The following GRIP1 variants were observed in gnomAD, a reference collection of about 807,000 sequenced individuals.
GRIP1 encodes the protein glutamate receptor-interacting protein 1.
GRIP1 carries 45 observed loss-of-function variants against 129.9 expected under a neutral mutation model. That is an observed-to-expected ratio of 0.35 (90% CI 0.27 to 0.44). GRIP1 has a LOEUF of 0.44. GRIP1 is among the 20% of genes least tolerant of loss of function. The pLI, the probability that GRIP1 is intolerant of heterozygous loss-of-function variation, is 1.00. For synonymous variants in GRIP1, 530 were observed against 520.8 expected (o/e 1.02, Z -0.24); for missense variants, 1,196 against 1,396.8 (o/e 0.86, Z 2.29).
intron 1 of GRIP1, among the ~76,000 whole-genome samples, chr12:66,965,934 T>A (rs2137552130): frequency 6.6e-6 from 1 of 152,288 alleles, no homozygotes; most frequent in South Asian, 2.1e-4. Flanking sequence ...GCCTTCTCCA[T>A]ACTGACACTT....
chr12:66,680,152 T>G (rs909904011), upstream of GRIP1, among the ~76,000 whole-genome samples: 4 of 152,216 alleles, frequency 2.6e-5, no homozygotes, highest in African/African-American at 9.6e-5. Flanking sequence ...CTGTCTAAAC[T>G]ACTTGATTAA....
intron 1 of GRIP1, among the ~76,000 whole-genome samples, chr12:66,695,548 T>G (rs2035127550): frequency 6.6e-6 from 1 of 152,190 alleles, no homozygotes; most frequent in Non-Finnish European, 1.5e-5. Flanking sequence ...AAGCCCTTGC[T>G]AGGCAGGTAG....
At chr12:66,854,373 C>T (rs955203586) in intron 1 of GRIP1, among the ~76,000 whole-genome samples, 13 of 151,754 alleles carry the variant, frequency 8.6e-5, no homozygotes, top group African/African-American at 2.9e-4. Flanking sequence ...TCACAGACAG[C>T]CTTGTACGCC....
At chr12:66,740,499 T>C (rs949788258) in intron 1 of GRIP1, among the ~76,000 whole-genome samples, 1 of 152,200 alleles carries the variant, frequency 6.6e-6, no homozygotes, top group African/African-American at 2.4e-5. Flanking sequence ...GCCCATGGCA[T>C]AGATGGTTTG....
At chr12:66,971,990 T>C in intron 1 of GRIP1, among the ~76,000 whole-genome samples, 1 of 152,112 alleles carries the variant, frequency 6.6e-6, no homozygotes, top group South Asian at 2.1e-4. Context: ...GAAGCGGAAA[T>C]GTGTTGCTCA....
intron 1 of GRIP1, among the ~76,000 whole-genome samples, chr12:67,052,305 C>A (rs932289736): frequency 2.0e-5 from 3 of 152,174 alleles, no homozygotes; most frequent in Admixed American, 2.0e-4. Context: ...TCTAAAATGA[C>A]CCTCAGGTAA....
At chr12:66,723,642 C>A (rs1322499076) in intron 1 of GRIP1, among the ~76,000 whole-genome samples, 1 of 152,018 alleles carries the variant, frequency 6.6e-6, no homozygotes, top group Non-Finnish European at 1.5e-5. Context: ...AGAATGCAAA[C>A]AAGGAGTTCT....
intron 2 of GRIP1, among the ~76,000 whole-genome samples, chr12:66,547,969 CAATTATCTCAA>C (rs772574856): frequency 1.3e-5 from 2 of 152,118 alleles, no homozygotes; most frequent in Non-Finnish European, 2.9e-5. Context: ...TATGAATCTA[CAATTATCTCAA>C]AATTAGGAGT....
intron 11 of GRIP1, among the ~76,000 whole-genome samples, chr12:66,455,014 A>G (rs1390159817): frequency 6.6e-6 from 1 of 152,222 alleles, no homozygotes; most frequent in Non-Finnish European, 1.5e-5. Flanking sequence ...CATCGTTTTC[A>G]CAAAATTTCT....
chr12:67,027,820 G>A (rs1045087796), intron 1 of GRIP1, among the ~76,000 whole-genome samples: 23 of 152,178 alleles, frequency 1.5e-4, no homozygotes, highest in African/African-American at 5.3e-4. Flanking sequence ...AGGGGTCCAC[G>A]TTCTGGACAT....
In GRIP1 at chr12:66,383,299, A is replaced by AAACAACAACAAC. The variant is rs59263648; in HGVS notation, c.2465-3875_2465-3864dup. Reference sequence around the variant, plus strand: ...GCGACAGAGCGACACTCTGTCTCAAAAACAACAACAACAACAACAACAACA... The same window carrying AAACAACAACAAC: ...GCGACAGAGCGACACTCTGTCTCAAAAACAACAACAACAACAACAACAACAACAACAACAACA... On this transcript the variant is annotated intron_variant, in intron 19 of 24. Transcript: ENST00000359742. Among the ~76,000 whole-genome samples the AAACAACAACAAC allele has an allele frequency of 2.6e-3, 364 of 141,406 alleles. 2 individuals are homozygous for AAACAACAACAAC. Among genetic ancestry groups the AAACAACAACAAC allele is most frequent in the East Asian group, 4.9e-3 (23 of 4,648 alleles). 92.8% of individuals were successfully genotyped at this position (141,406 alleles called of 152,430 possible). A position where few individuals can be genotyped will look rare whatever the true frequency, so the allele number is the denominator to read the frequency against.
intron 1 of GRIP1, among the ~76,000 whole-genome samples, chr12:66,814,957 C>A (rs544469963): frequency 6.6e-6 from 1 of 152,220 alleles, no homozygotes; most frequent in South Asian, 2.1e-4. Context: ...CATGGGGAAA[C>A]CACTCCCATG....
chr12:66,800,400 G>C (rs779587747), intron 1 of GRIP1, among the ~76,000 whole-genome samples: 1 of 151,682 alleles, frequency 6.6e-6, no homozygotes, highest in South Asian at 2.1e-4. Context: ...CTGTACATGA[G>C]AGTGGCTCAC....
At chr12:66,593,221 T>G (rs2063909787) in intron 2 of GRIP1, among the ~76,000 whole-genome samples, 1 of 152,112 alleles carries the variant, frequency 6.6e-6, no homozygotes, top group Admixed American at 6.6e-5. Flanking sequence ...AGCAAACGCA[T>G]TTTGCTCCTA....
chr12:66,599,779 A>G (rs1038888853), intron 1 of GRIP1, among the ~76,000 whole-genome samples: 4 of 152,170 alleles, frequency 2.6e-5, no homozygotes, highest in Non-Finnish European at 4.4e-5. Flanking sequence ...TCATGCTTAT[A>G]AGGGATAATC....
intron 1 of GRIP1, among the ~76,000 whole-genome samples, chr12:66,897,844 C>T (rs1251289284): frequency 6.6e-6 from 1 of 152,198 alleles, no homozygotes; most frequent in East Asian, 1.9e-4. Context: ...CACATGCATA[C>T]ACACCAGTTA....
At chr12:66,501,740 T>G (rs1002310045) in intron 7 of GRIP1, among the ~76,000 whole-genome samples, 1 of 152,212 alleles carries the variant, frequency 6.6e-6, no homozygotes, top group Non-Finnish European at 1.5e-5. Context: ...GATAATTTTC[T>G]CCCTAAAAGA....
chr12:67,025,089 A>C (rs1002108055), intron 1 of GRIP1, among the ~76,000 whole-genome samples: 26 of 152,232 alleles, frequency 1.7e-4, no homozygotes, highest in African/African-American at 6.0e-4. Context: ...CTGTAATACC[A>C]GCACTTTGGG....
chr12:66,392,606 C>T, intron 18 of GRIP1, 71 bp downstream of exon 18: 1 of 1,584,140 alleles, frequency 6.3e-7, no homozygotes, highest in Non-Finnish European at 8.7e-7. Context: ...TACACACAGA[C>T]ACTAGCACAT....
Sources: allele counts gnomAD v4.1 joint callset (sites outside exome capture counted in the v4.1 genomes callset), GRCh38; gene constraint gnomAD v4.1.1; transcripts MANE v1.5; gene names NCBI Gene and HGNC (gene_info 2026-07-23, HGNC 2026-07-21).